IL12RB2: variants seen among roughly 807,000 people sequenced by gnomAD.
IL12RB2 encodes interleukin 12 receptor subunit beta 2, also known as interleukin-12 receptor subunit beta-2.
In IL12RB2, 82 loss-of-function variants were observed where a neutral mutation model predicts 89.4. That is an observed-to-expected ratio of 0.92 (90% confidence interval 0.77 to 1.10). IL12RB2 has a LOEUF of 1.10. Among genes scored for constraint, IL12RB2 ranks in the 50% least tolerant of loss-of-function variants. IL12RB2 has a pLI of 0.00. For missense variants in IL12RB2, 963 were observed against 1,031.9 expected (o/e 0.93, Z 0.92); for synonymous variants, 368 against 370.1 (o/e 0.99, Z 0.07).
rs572505092 is a variant in IL12RB2 at position 67,338,336 on chromosome 1, C to CAAAAAAAAAAAA, written c.959-262_959-251dup. On this transcript the variant is annotated intron_variant, in intron 8 of 16. Transcript: ENST00000674203. ...GAGGCAACAGAGCAAGATCCTGTCT[C>CAAAAAAAAAAAA]AAAAAAAAAAAAAAAAAAAAAAAAA... is the stretch of plus-strand genomic sequence containing the variant. Among the ~76,000 whole-genome samples the CAAAAAAAAAAAA allele has an allele frequency of 7.2e-4, 29 of 40,110 alleles. 1 individual carries two copies. Among genetic ancestry groups the CAAAAAAAAAAAA allele is most frequent in the Admixed American group, 1.1e-3 (3 of 2,828 alleles). 26.3% of individuals were successfully genotyped at this position (40,110 alleles called of 152,430 possible).
chr1:67,357,313 G>A (rs763085030), intron 10 of IL12RB2, among the ~76,000 whole-genome samples: 7 of 152,204 alleles, frequency 4.6e-5, no homozygotes, highest in African/African-American at 9.6e-5. Flanking sequence ...GGGAAGTGGA[G>A]GTTGCAGTGA....
intron 14 of IL12RB2, among the ~76,000 whole-genome samples, chr1:67,382,215 C>T (rs1557470799): frequency 6.6e-6 from 1 of 152,034 alleles, no homozygotes; most frequent in Non-Finnish European, 1.5e-5. Context: ...GACCCCATCT[C>T]AATTAAAAAA....
In IL12RB2 at chr1:67,346,378, A is replaced by AT. The variant is rs10577525; in HGVS notation, c.1039-4465dup. On this transcript the variant is annotated intron_variant, in intron 9 of 16. Coordinates refer to ENST00000674203, the MANE Select transcript of IL12RB2 (RefSeq NM_001374259.2). ...TAAAATGTCCAGGTGAGGGTTGTCT[A>AT]TTTTTTTTTTTTTTTTTTTTTTTTT... is the stretch of plus-strand genomic sequence containing the variant. Among the ~76,000 whole-genome samples the AT allele has an allele frequency of 8.4e-4, 79 of 93,838 alleles. 5 individuals carry two copies. The highest frequency in any genetic ancestry group is 2.7e-3 in the African/African-American group (52 of 19,438). The allele number at this position is 93,838 out of a possible 152,430, so 61.6% of individuals were successfully genotyped here. A position where few individuals can be genotyped will look rare whatever the true frequency, so the allele number is the denominator to read the frequency against.
At chr1:67,388,100 A>G (rs1004793203) in intron 15 of IL12RB2, among the ~76,000 whole-genome samples, 1 of 151,948 alleles carries the variant, frequency 6.6e-6, no homozygotes, top group African/African-American at 2.4e-5. Context: ...TCACCTGAAC[A>G]GGAGGCAGAG....
intron 15 of IL12RB2, among the ~76,000 whole-genome samples, chr1:67,389,337 TAA>T (rs35954025): frequency 9.4e-6 from 1 of 106,456 alleles, no homozygotes; most frequent in African/African-American, 2.8e-5. Flanking sequence ...AGCATACTTT[TAA>T]AAAAAAAAAA....
At chr1:67,383,985 T>C (rs1664874875) in intron 14 of IL12RB2, among the ~76,000 whole-genome samples, 1 of 152,206 alleles carries the variant, frequency 6.6e-6, no homozygotes, top group African/African-American at 2.4e-5. Flanking sequence ...CAGCTGGCAT[T>C]GAGTGTCTGC....
At chr1:67,340,073 A>G (rs1171724122) in intron 9 of IL12RB2, among the ~76,000 whole-genome samples, 2 of 152,234 alleles carry the variant, frequency 1.3e-5, no homozygotes, top group African/African-American at 4.8e-5. Context: ...GATGGGGTTC[A>G]CATGATGGGT....
At chr1:67,342,861 G>C (rs1164865581) in intron 9 of IL12RB2, among the ~76,000 whole-genome samples, 1 of 105,394 alleles carries the variant, frequency 9.5e-6, no homozygotes, top group Non-Finnish European at 2.1e-5. Context: ...CTATGCTCAA[G>C]TGATCCTCCC....
At position 67,368,106 on chromosome 1, in the gene IL12RB2, C is replaced by T. The variant is rs1662909081; in HGVS notation, c.1459+81C>T. On this transcript the variant is annotated intron_variant, in intron 11 of 16. Coordinates refer to ENST00000674203, the MANE Select transcript of IL12RB2 (RefSeq NM_001374259.2). ...GAAACTGCAGGCAAGAGCCAGAACC[C>T]TGCCTTCAATTACAGGTGGCTACAT... 3.3e-6 allele frequency: 3 copies of T among 905,516 alleles called. No homozygotes were observed. The South Asian group carries it at 4.1e-5, about 12-fold the overall frequency. 56.1% of individuals were successfully genotyped at this position (905,516 alleles called of 1,614,324 possible).
chr1:67,383,407 T>C (rs117786059), intron 14 of IL12RB2, among the ~76,000 whole-genome samples: 2 of 152,284 alleles, frequency 1.3e-5, no homozygotes, highest in East Asian at 3.9e-4. Context: ...CCAAACCTCA[T>C]GTCCTCACAT....
At chr1:67,351,206 G>A (rs1019267704) in intron 10 of IL12RB2, 117 bp downstream of exon 10, 1 of 1,534,422 alleles carries the variant, frequency 6.5e-7, no homozygotes, top group Admixed American at 2.0e-5. Flanking sequence ...AGGCTTTGGA[G>A]TCAACAGCTT....
intron 10 of IL12RB2, among the ~76,000 whole-genome samples, chr1:67,351,887 T>C (rs1660889354): frequency 6.6e-6 from 1 of 152,180 alleles, no homozygotes; most frequent in Non-Finnish European, 1.5e-5. Flanking sequence ...AAGATCTGTA[T>C]TATAAAAGAA....
chr1:67,389,985 T>TGTGTG, intron 15 of IL12RB2, 44 bp from the exon 16 acceptor site: 1 of 881,790 alleles, frequency 1.1e-6, no homozygotes, highest in South Asian at 1.3e-5. Context: ...TCCATGCCAC[T>TGTGTG]GTGTGCACAC....
chr1:67,356,771 CCAAT>C (rs1661441856), intron 10 of IL12RB2, among the ~76,000 whole-genome samples: 1 of 152,000 alleles, frequency 6.6e-6, no homozygotes. Context: ...AGGTTGTTGA[CCAAT>C]CAAAGAAAAT....
At chr1:67,357,068 T>C (rs1661478538) in intron 10 of IL12RB2, among the ~76,000 whole-genome samples, 1 of 152,152 alleles carries the variant, frequency 6.6e-6, no homozygotes. Flanking sequence ...AAATATAGCA[T>C]GTTTTAGGCC....
chr1:67,391,404 C>A (rs1204983771), intron 16 of IL12RB2, among the ~76,000 whole-genome samples: 1 of 147,236 alleles, frequency 6.8e-6, no homozygotes, highest in East Asian at 2.0e-4. Flanking sequence ...CACACACACA[C>A]AAACTGCTGT....
At chr1:67,375,492 T>C (rs149929006) in intron 13 of IL12RB2, among the ~76,000 whole-genome samples, 1 of 152,154 alleles carries the variant, frequency 6.6e-6, no homozygotes, top group Non-Finnish European at 1.5e-5. Flanking sequence ...CCAGAAATCA[T>C]TGGTGAATTC....
At position 67,386,872 on chromosome 1, in the gene IL12RB2, TTATATATATATATATATATATA is replaced by T. The variant is rs1179774666; in HGVS notation, c.1946+227_1946+248del. Among the ~76,000 whole-genome samples the T allele has an allele frequency of 3.2e-3, 155 of 48,460 alleles. 4 individuals carry two copies. The highest frequency in any genetic ancestry group is 8.3e-3 in the African/African-American group (129 of 15,586). 31.8% of individuals were successfully genotyped at this position (48,460 alleles called of 152,430 possible). A position where few individuals can be genotyped will look rare whatever the true frequency, so the allele number is the denominator to read the frequency against. Reference sequence around the variant, plus strand: ...AACAATCTCTAACTAGAAATGTATTTTATATATATATATATATATATATATATATATATATATATATATATTC... The same window carrying T: ...AACAATCTCTAACTAGAAATGTATTTTATATATATATATATATATATATTC... On this transcript the variant is annotated intron_variant, in intron 15 of 16. Coordinates refer to ENST00000674203, the MANE Select transcript of IL12RB2 (RefSeq NM_001374259.2).
intron 14 of IL12RB2, among the ~76,000 whole-genome samples, chr1:67,383,526 T>TC (rs569072095): frequency 2.1e-4 from 32 of 152,172 alleles, no homozygotes; most frequent in Non-Finnish European, 4.1e-4. Context: ...GCAAGTCTTT[T>TC]CCACCTATGA....
Sources: allele counts gnomAD v4.1 joint callset (sites outside exome capture counted in the v4.1 genomes callset), GRCh38; gene constraint gnomAD v4.1.1; transcripts MANE v1.5; gene names NCBI Gene and HGNC (gene_info 2026-07-23, HGNC 2026-07-21).